Variants in TBC1D32 observed in about 807,000 individuals in gnomAD.
TBC1D32 encodes protein broad-minded.
A neutral mutation model predicts 170.3 loss-of-function variants in TBC1D32; 151 were observed. The observed-to-expected ratio is 0.89, with a 90% CI of 0.78 to 1.01. TBC1D32 has a LOEUF of 1.01. Ranked by LOEUF, TBC1D32 falls within the 50% of genes least tolerant of loss-of-function variation. TBC1D32 has a pLI of 0.00. For synonymous variants in TBC1D32, 498 were observed against 488.0 expected (o/e 1.02, Z -0.27); for missense variants, 1,464 against 1,457.1 (o/e 1.00, Z -0.08).
rs538376550 is a variant in TBC1D32, at chr6:121,286,736, A to T, written c.1373-2826T>A. ...AAAGTTCAAATGAAGGAAAAAATGT[A>T]AAGGGCAGCCAGAGAGAAAGGTCGG... On this transcript the variant is annotated intron_variant, in intron 12 of 31. Transcript: ENST00000398212. Among the ~76,000 whole-genome samples, 105 of 152,290 alleles carry T rather than the reference A, an allele frequency of 6.9e-4. No individual in the cohort carries two copies. The East Asian group carries it at 0.012, about 18-fold the overall frequency.
intron 26 of TBC1D32, chr6:121,115,442 A>G (rs1204528404): frequency 4.8e-6 from 2 of 416,372 alleles, no homozygotes; most frequent in African/African-American, 4.1e-5. Flanking sequence ...ACTTTTTCCC[A>G]TAAAAAGCAT....
chr6:121,131,489 A>G (rs1419454458), intron 25 of TBC1D32, 138 bp downstream of exon 25: 2 of 869,422 alleles, frequency 2.3e-6, no homozygotes, highest in Non-Finnish European at 3.3e-6. Flanking sequence ...CAGGATCCCA[A>G]TTTTCTCAGA....
intron 15 of TBC1D32, among the ~76,000 whole-genome samples, chr6:121,272,792 G>A (rs1016497861): frequency 6.6e-6 from 1 of 152,248 alleles, no homozygotes. Context: ...TCATGCTGCT[G>A]TAAAGACACA....
chr6:121,323,069 A>T (rs1489779388), intron 1 of TBC1D32, among the ~76,000 whole-genome samples: 1 of 152,170 alleles, frequency 6.6e-6, no homozygotes, highest in Non-Finnish European at 1.5e-5. Flanking sequence ...TTTTGGCACT[A>T]ACAGCATTAT....
rs568974584 is a variant in TBC1D32, at chr6:121,241,618, T to C, written c.2158-66A>G. On this transcript the variant is annotated intron_variant, in intron 18 of 31. Coordinates refer to ENST00000398212, the MANE Select transcript of TBC1D32 (RefSeq NM_152730.6). ...ACATGGCATGCTAACTAGACATTCC[T>C]TCAAGATGGTAAGAACTGCAAAAAC... 48 of 1,300,380 alleles carry C rather than the reference T, an allele frequency of 3.7e-5. No individual in the cohort carries two copies. In the African/African-American group the frequency reaches 6.2e-4, roughly 17 times the overall value. 80.6% of individuals were successfully genotyped at this position (1,300,380 alleles called of 1,614,324 possible). A position where few individuals can be genotyped will look rare whatever the true frequency, so the allele number is the denominator to read the frequency against.
intron 24 of TBC1D32, among the ~76,000 whole-genome samples, chr6:121,141,338 C>A (rs1782760793): frequency 1.3e-5 from 2 of 152,228 alleles, no homozygotes; most frequent in South Asian, 2.1e-4. Context: ...AAGGGAGTAT[C>A]AAGAGCAAAG....
At chr6:121,180,130 T>C (rs920843243) in intron 22 of TBC1D32, among the ~76,000 whole-genome samples, 3 of 152,112 alleles carry the variant, frequency 2.0e-5, no homozygotes, top group East Asian at 3.9e-4. Flanking sequence ...TGTTTATAGA[T>C]TGGAAAACGG....
intron 22 of TBC1D32, among the ~76,000 whole-genome samples, chr6:121,196,940 T>C (rs1429520924): frequency 6.6e-6 from 1 of 152,216 alleles, no homozygotes; most frequent in Non-Finnish European, 1.5e-5. Flanking sequence ...GTTTGCCTCC[T>C]GTTCCCACAA....
chr6:121,154,221 A>C (rs542707854), intron 24 of TBC1D32, among the ~76,000 whole-genome samples: 7 of 152,078 alleles, frequency 4.6e-5, no homozygotes, highest in Non-Finnish European at 8.8e-5. Context: ...CACAGTCTCT[A>C]ATGGCCTCCC....
intron 22 of TBC1D32, among the ~76,000 whole-genome samples, chr6:121,191,884 C>A (rs1052643017): frequency 6.6e-6 from 1 of 151,748 alleles, no homozygotes; most frequent in Admixed American, 6.6e-5. Context: ...CGTGAAAAGG[C>A]GAGACTGGCC....
intron 22 of TBC1D32, among the ~76,000 whole-genome samples, chr6:121,161,291 C>G (rs924462765): frequency 6.6e-6 from 1 of 152,096 alleles, no homozygotes; most frequent in Non-Finnish European, 1.5e-5. Context: ...CAGATCATCC[C>G]ATCACCCAGG....
At chr6:121,230,536 G>A (rs1011759526) in intron 20 of TBC1D32, among the ~76,000 whole-genome samples, 1 of 152,014 alleles carries the variant, frequency 6.6e-6, no homozygotes, top group Non-Finnish European at 1.5e-5. Context: ...TAAGCCACCT[G>A]TAATTAAAGT....
chr6:121,115,170 A>G lies in TBC1D32; in HGVS notation c.3053+2T>C, dbSNP rs1582831423. The G allele has an allele frequency of 6.3e-7, 1 of 1,594,290 alleles. No individual in the cohort carries two copies. The highest frequency in any genetic ancestry group is 1.3e-5 in the African/African-American group (1 of 74,498). ...CAAGGGAGCTATTTCCCTATAATAT[A>G]CCTGACAGTCATTTTAATGCCAAGC... On this transcript the variant is annotated splice_donor_variant, in intron 27 of 31. Transcript: ENST00000398212. LOFTEE classifies it high-confidence loss of function.
chr6:121,093,816 C>T (rs1777092848), intron 30 of TBC1D32, among the ~76,000 whole-genome samples: 1 of 151,992 alleles, frequency 6.6e-6, no homozygotes, highest in Non-Finnish European at 1.5e-5. Flanking sequence ...AGGAGGAAAA[C>T]TGAGAGACTG....
chr6:121,121,299 G>A (rs1780238627), intron 26 of TBC1D32, among the ~76,000 whole-genome samples: 1 of 151,968 alleles, frequency 6.6e-6, no homozygotes, highest in African/African-American at 2.4e-5. Flanking sequence ...AACAACAGGA[G>A]CAAAAATTTA....
chr6:121,245,880 G>T (rs897981214), intron 17 of TBC1D32, among the ~76,000 whole-genome samples: 2 of 152,090 alleles, frequency 1.3e-5, no homozygotes, highest in Admixed American at 6.6e-5. Flanking sequence ...CTGTAAGGTG[G>T]ATAGATTTCC....
chr6:121,309,084 A>G (rs1362254428), intron 4 of TBC1D32, among the ~76,000 whole-genome samples: 2 of 152,202 alleles, frequency 1.3e-5, no homozygotes, highest in Non-Finnish European at 2.9e-5. Context: ...AAAATAGACA[A>G]AGAATATACA....
chr6:121,208,275 AAGG>A (rs1390026696), intron 21 of TBC1D32, among the ~76,000 whole-genome samples: 1 of 152,124 alleles, frequency 6.6e-6, no homozygotes, highest in East Asian at 1.9e-4. Flanking sequence ...TTTAAAAAAA[AAGG>A]AGGTTTAATT....
chr6:121,083,558 T>C (rs972988475), intron 31 of TBC1D32, among the ~76,000 whole-genome samples: 2 of 151,890 alleles, frequency 1.3e-5, no homozygotes, highest in Non-Finnish European at 2.9e-5. Flanking sequence ...TGTACAGAAG[T>C]CCAGTTTCAA....
Sources: allele counts gnomAD v4.1 joint callset (sites outside exome capture counted in the v4.1 genomes callset), GRCh38; gene constraint gnomAD v4.1.1; transcripts MANE v1.5; gene names NCBI Gene and HGNC (gene_info 2026-07-23, HGNC 2026-07-21).